TMLHE: variants seen among roughly 807,000 people sequenced by gnomAD.
The protein encoded by TMLHE is trimethyllysine hydroxylase, epsilon.
A neutral mutation model predicts 25.7 loss-of-function variants in TMLHE; 18 were observed. The observed-to-expected ratio is 0.70, with a 90% CI of 0.48 to 1.04. The LOEUF (loss-of-function observed/expected upper bound fraction) is 1.04, where lower values mean the gene tolerates loss of function less well. Among genes scored for constraint, TMLHE ranks in the 50% least tolerant of loss-of-function variants. The probability of loss-of-function intolerance (pLI) is 0.00; values close to 1 mark genes in which losing one functional copy is unlikely to be tolerated. For missense variants in TMLHE, 236 were observed against 259.0 expected (o/e 0.91, Z 0.61); for synonymous variants, 105 against 97.0 (o/e 1.08, Z -0.49).
chrX:155,541,233 C>T (rs1340532350), intron 2 of TMLHE, among the ~76,000 whole-genome samples: 2 of 110,427 alleles, frequency 1.8e-5, no homozygotes, highest in Non-Finnish European at 3.8e-5. Flanking sequence ...GTGTGATGTT[C>T]CCTTCCCTGT....
In TMLHE at chrX:155,553,959, C is replaced by T. The variant is rs782455737; in HGVS notation, c.-1-8682G>A. On this transcript the variant is annotated intron_variant, in intron 1 of 7. Coordinates refer to ENST00000334398, the MANE Select transcript of TMLHE (RefSeq NM_018196.4). ...TGTATTTTAATTGCATACACATGCA[C>T]GCCACATGACATTACTATTTTTATT... 1.3e-3 allele frequency among the ~76,000 whole-genome samples: 133 copies of T among 106,022 alleles called. 3 individuals are homozygous for T. Among genetic ancestry groups the T allele is most frequent in the African/African-American group, 3.4e-3 (100 of 29,338 alleles). 92.1% of individuals were successfully genotyped at this position (106,022 alleles called of 115,157 possible). A position where few individuals can be genotyped will look rare whatever the true frequency, so the allele number is the denominator to read the frequency against.
chrX:155,548,527 AG>A (rs2067376872), intron 1 of TMLHE, among the ~76,000 whole-genome samples: 1 of 108,202 alleles, frequency 9.2e-6, no homozygotes, highest in African/African-American at 3.6e-5. Context: ...CAAGGTCAGC[AG>A]TATGAGGCCA....
At position 155,558,729 on chromosome X, in the gene TMLHE, C is replaced by T. The variant is rs2067475263; in HGVS notation, c.-1-13452G>A. On this transcript the variant is annotated intron_variant, in intron 1 of 7. Coordinates refer to ENST00000334398, the MANE Select transcript of TMLHE (RefSeq NM_018196.4). The stretch of plus-strand genomic sequence containing the variant: ...CATCCTTTGCCTATGATATGTTAAT[C>T]AGCACTCTTTGAATATGGTGATTTA... 2.7e-5 allele frequency among the ~76,000 whole-genome samples: 3 copies of T among 111,709 alleles called. No homozygotes were observed. The Admixed American group carries it at 2.9e-4, about 11-fold the overall frequency.
chrX:155,545,353 T>C (rs1249714721), intron 1 of TMLHE, 76 bp from the exon 2 acceptor site: 23 of 783,612 alleles, frequency 2.9e-5, no homozygotes, highest in Non-Finnish European at 2.3e-5. Flanking sequence ...ACACTACAGA[T>C]ATAATTATGT....
chrX:155,523,456 A>G (rs2067200748), intron 3 of TMLHE, among the ~76,000 whole-genome samples: 1 of 111,072 alleles, frequency 9.0e-6, no homozygotes, highest in Non-Finnish European at 1.9e-5. Flanking sequence ...TGACTTTTGC[A>G]CTTTTGCCAA....
intron 2 of TMLHE, among the ~76,000 whole-genome samples, chrX:155,534,123 C>T: frequency 9.0e-6 from 1 of 111,402 alleles, no homozygotes; most frequent in Non-Finnish European, 1.9e-5. Flanking sequence ...CAGCTGGGAC[C>T]AAAAAGAACA....
intron 1 of TMLHE, among the ~76,000 whole-genome samples, chrX:155,549,930 T>C (rs782190204): frequency 4.6e-5 from 5 of 109,286 alleles, no homozygotes; most frequent in Non-Finnish European, 9.5e-5. Flanking sequence ...TGTGCCCATA[T>C]GTTCTCATTG....
At chrX:155,602,251 T>C (rs2067760264) in intron 1 of TMLHE, among the ~76,000 whole-genome samples, 1 of 111,524 alleles carries the variant, frequency 9.0e-6, no homozygotes, top group South Asian at 3.8e-4. Flanking sequence ...CAAATTAAGG[T>C]AATACCCTAT....
At chrX:155,591,027 C>T (rs782164483) in intron 1 of TMLHE, among the ~76,000 whole-genome samples, 1 of 111,236 alleles carries the variant, frequency 9.0e-6, no homozygotes, top group Non-Finnish European at 1.9e-5. Flanking sequence ...AAAGATATAC[C>T]AGGTAAGCCT....
rs1359294557 is a variant in TMLHE at position 155,572,901 on chromosome X, A to T, written c.-1-27624T>A. ...AAAAACCCTATAAGAAAACCTAGGC[A>T]TTACCATTCAGGACATAGGCATGGG... On this transcript the variant is annotated intron_variant, in intron 1 of 7. Coordinates refer to ENST00000334398, the MANE Select transcript of TMLHE (RefSeq NM_018196.4). Among the ~76,000 whole-genome samples, 25 of 57,778 alleles carry T rather than the reference A, an allele frequency of 4.3e-4. 1 individual carries two copies. Among genetic ancestry groups the T allele is most frequent in the African/African-American group, 1.0e-3 (25 of 24,323 alleles). The allele number at this position is 57,778 out of a possible 115,157, so 50.2% of individuals were successfully genotyped here. A position where few individuals can be genotyped will look rare whatever the true frequency, so the allele number is the denominator to read the frequency against.
At chrX:155,602,677 A>T in intron 1 of TMLHE, among the ~76,000 whole-genome samples, 1 of 111,411 alleles carries the variant, frequency 9.0e-6, no homozygotes, top group Non-Finnish European at 1.9e-5. Context: ...TCACATGCAC[A>T]CATACACATG....
rs200119192 is a variant in TMLHE, at chrX:155,524,605, C to T, written c.209G>A (p.Arg70His). The T allele has an allele frequency of 1.5e-4, 184 of 1,197,915 alleles. No individual in the cohort carries two copies. The highest frequency in any genetic ancestry group is 4.6e-4 in the Middle Eastern group (2 of 4,324). ...FELKYANTVM[R>H]FDYVWLRDHC... is the part of the protein sequence containing the mutation. ...GTCTCGAAGCCAGACGTAATCAAAG[C>T]GCATCACGGTATTAGCATATTTCAG... is the stretch of plus-strand genomic sequence containing the variant. Residue 70 changes from arginine (R) to histidine (H), a missense_variant, in exon 3 of 8, where the codon CGC (arginine) becomes CAC (histidine). Coordinates refer to ENST00000334398, the MANE Select transcript of TMLHE (RefSeq NM_018196.4).
At chrX:155,585,888 T>C (rs1603087518) in intron 1 of TMLHE, among the ~76,000 whole-genome samples, 1 of 111,355 alleles carries the variant, frequency 9.0e-6, no homozygotes, top group African/African-American at 3.3e-5. Context: ...TGGAATAAAA[T>C]TAGAAATCAA....
intron 2 of TMLHE, among the ~76,000 whole-genome samples, chrX:155,538,152 G>A (rs973097439): frequency 9.0e-6 from 1 of 111,046 alleles, no homozygotes; most frequent in Non-Finnish European, 1.9e-5. Context: ...CCTAGCCTCT[G>A]ATAACTACCA....
At chrX:155,523,318 C>T (rs1430410451) in intron 3 of TMLHE, among the ~76,000 whole-genome samples, 2 of 110,879 alleles carry the variant, frequency 1.8e-5, no homozygotes, top group African/African-American at 6.6e-5. Flanking sequence ...CGTTTAAGTC[C>T]GCAATCTACT....
At chrX:155,586,469 A>C (rs1298015104) in intron 1 of TMLHE, among the ~76,000 whole-genome samples, 1 of 111,719 alleles carries the variant, frequency 9.0e-6, no homozygotes, top group Non-Finnish European at 1.9e-5. Flanking sequence ...AAGGAACTAG[A>C]AAAATATGAA....
chrX:155,539,163 G>A (rs1334300236), intron 2 of TMLHE, among the ~76,000 whole-genome samples: 1 of 111,302 alleles, frequency 9.0e-6, no homozygotes, highest in African/African-American at 3.3e-5. Flanking sequence ...CTTATCCTAG[G>A]GGGGAAAAGA....
intron 2 of TMLHE, among the ~76,000 whole-genome samples, chrX:155,531,721 A>G (rs949146290): frequency 8.9e-6 from 1 of 111,802 alleles, no homozygotes; most frequent in Non-Finnish European, 1.9e-5. Context: ...CCTCTGATCA[A>G]TACTTGGCTG....
chrX:155,524,899 G>A (rs1295828766), intron 2 of TMLHE, among the ~76,000 whole-genome samples: 3 of 111,833 alleles, frequency 2.7e-5, no homozygotes, highest in Non-Finnish European at 3.8e-5. Flanking sequence ...ATGTAATAAA[G>A]TGACAGCAAA....
Sources: allele counts gnomAD v4.1 joint callset (sites outside exome capture counted in the v4.1 genomes callset), GRCh38; gene constraint gnomAD v4.1.1; transcripts MANE v1.5; gene names NCBI Gene and HGNC (gene_info 2026-07-23, HGNC 2026-07-21).